Variants in LINGO3 observed in about 807,000 individuals in gnomAD.
LINGO3 encodes the protein leucine rich repeat and Ig domain containing 3.
For synonymous variants in LINGO3, 427 were observed against 444.2 expected (o/e 0.96, Z 0.49); for missense variants, 750 against 867.7 (o/e 0.86, Z 1.70).
At chr19:2,296,046 C>T (rs1339090790), upstream of LINGO3, among the ~76,000 whole-genome samples, 3 of 152,148 alleles carry the variant, frequency 2.0e-5, no homozygotes, top group African/African-American at 7.2e-5. Context: ...ATCCTTAATC[C>T]CAACCTGGGC....
At chr19:2,303,465 C>T in the LINGO3 span, among the ~76,000 whole-genome samples, 4 of 148,366 alleles carry the variant, frequency 2.7e-5, no homozygotes, top group Admixed American at 2.0e-4. Flanking sequence ...TACAGCTAAG[C>T]GAGGGGCGAG....
At chr19:2,301,722 T>A in the LINGO3 span, among the ~76,000 whole-genome samples, 1 of 151,920 alleles carries the variant, frequency 6.6e-6, no homozygotes, top group Non-Finnish European at 1.5e-5. Flanking sequence ...GTTCAAGAGA[T>A]GGAGACCATC....
At position 2,290,653 on chromosome 19, in the gene LINGO3, C is replaced by T. The variant is rs761247783; in HGVS notation, c.1124G>A (p.Arg375Gln). Residue 375 changes from arginine to glutamine, a missense_variant, in exon 1 of 1, where the codon CGG becomes CAG. Arg to Gln is a conservative substitution (Grantham distance 43). Transcript: ENST00000585527. This position sits in a 1 kb window ranked among gnomAD's most constrained non-coding sequence, Gnocchi z 6.0. ...GGCCGGGGTGGCGCAGGCCGGCAGC[C>T]GCCCGTCGAAGTTGAGGGTCTTGCG... 7.5e-6 allele frequency: 12 copies of T among 1,603,648 alleles called. No homozygotes were observed. Among genetic ancestry groups the T allele is most frequent in the Admixed American group, 1.7e-5 (1 of 59,420 alleles).
chr19:2,306,341 C>T, the LINGO3 span, among the ~76,000 whole-genome samples: 6 of 152,316 alleles, frequency 3.9e-5, no homozygotes, highest in African/African-American at 1.4e-4. Flanking sequence ...CCGAGATTGA[C>T]ATGTGGTGGT....
the LINGO3 span, among the ~76,000 whole-genome samples, chr19:2,308,056 GC>G: frequency 2.0e-5 from 3 of 150,450 alleles, no homozygotes; most frequent in African/African-American, 7.3e-5. Context: ...CCCACGCCGG[GC>G]CCCGGCACGG....
At chr19:2,297,668 G>A in the LINGO3 span, among the ~76,000 whole-genome samples, 7 of 144,074 alleles carry the variant, frequency 4.9e-5, no homozygotes, top group South Asian at 6.9e-4. Flanking sequence ...GCAATGGCAC[G>A]ATCTCAACTT....
the LINGO3 span, among the ~76,000 whole-genome samples, chr19:2,300,716 C>T: frequency 6.6e-6 from 1 of 152,292 alleles, no homozygotes; most frequent in East Asian, 1.9e-4. Flanking sequence ...TGCCAGGCCT[C>T]CGTCCCCCAC....
At chr19:2,294,445 C>T (rs549355477), upstream of LINGO3, among the ~76,000 whole-genome samples, 1 of 152,280 alleles carries the variant, frequency 6.6e-6, no homozygotes, top group African/African-American at 2.4e-5. This position sits in a 1 kb window ranked among gnomAD's most constrained non-coding sequence, Gnocchi z 4.3. Flanking sequence ...GTTTTAAACC[C>T]CCCGGGGTTT....
In LINGO3 at chr19:2,291,660, G is replaced by A. The variant is rs1034629773; in HGVS notation, c.117C>T (p.Ala39=). 36 of 1,395,430 alleles carry A rather than the reference G, an allele frequency of 2.6e-5. 1 individual carries two copies. In the African/African-American group the frequency reaches 5.1e-4, roughly 20 times the overall value. The allele number at this position is 1,395,430 out of a possible 1,614,324, so 86.4% of individuals were successfully genotyped here. ...CGGCGGTCAGGCGGCGGCGCGTGCA[G>A]GCCACCGCGCGGGTCTGCACGGTGC... is the stretch of plus-strand genomic sequence containing the variant. Residue 39 remains alanine (A), a synonymous_variant, in exon 1 of 1, where the codon GCC becomes GCT. Transcript: ENST00000585527.
At chr19:2,304,735 T>TG in the LINGO3 span, among the ~76,000 whole-genome samples, 5 of 146,594 alleles carry the variant, frequency 3.4e-5, no homozygotes, top group African/African-American at 1.0e-4. Context: ...TTTTTTTTTT[T>TG]GAGACAGAGT....
chr19:2,297,858 G>C, the LINGO3 span, among the ~76,000 whole-genome samples: 2 of 151,836 alleles, frequency 1.3e-5, no homozygotes, highest in Non-Finnish European at 2.9e-5. Flanking sequence ...ACCCGCCTCG[G>C]CCTCCCAAAG....
exon 1 of LINGO3, chr19:2,289,907 C>T: frequency 9.0e-7 from 1 of 1,106,770 alleles, no homozygotes; most frequent in Non-Finnish European, 1.3e-6. Context: ...CGCCGTGCAG[C>T]CGTCCCCTTC....
At chr19:2,293,764 T>C (rs1320381979), upstream of LINGO3, among the ~76,000 whole-genome samples, 1 of 150,406 alleles carries the variant, frequency 6.6e-6, no homozygotes, top group African/African-American at 2.4e-5. Flanking sequence ...TTCCCGCAAA[T>C]GTTCAAGGCC....
At chr19:2,307,538 G>C in the LINGO3 span, among the ~76,000 whole-genome samples, 1 of 152,236 alleles carries the variant, frequency 6.6e-6, no homozygotes, top group African/African-American at 2.4e-5. Context: ...AGAGCAGGGG[G>C]ACTCAGCCCT....
chr19:2,293,931 T>C (rs1467576085), upstream of LINGO3, among the ~76,000 whole-genome samples: 1 of 151,954 alleles, frequency 6.6e-6, no homozygotes, highest in African/African-American at 2.4e-5. Context: ...CGCGCATCTA[T>C]AGTCCTAACT....
rs2025513677 is a variant in LINGO3, at chr19:2,290,965, TG to T, written c.811del (p.His271ThrfsTer71). The stretch of plus-strand genomic sequence containing the variant: ...GTGCGACAGATTGAGGCAGGTGAGG[TG>T]CGCCTGGTGCCGCAGCGCGGCGGCC... On this transcript the variant is annotated frameshift_variant, in exon 1 of 1. Transcript: ENST00000585527. LOFTEE classifies it low-confidence loss of function (END_TRUNC). The surrounding 1 kb of genome is among the most constrained non-coding windows in gnomAD (Gnocchi z 6.0). The T allele has an allele frequency of 6.2e-7, 1 of 1,611,522 alleles. No homozygotes were observed. Among genetic ancestry groups the T allele is most frequent in the African/African-American group, 1.3e-5 (1 of 74,836 alleles).
the LINGO3 span, among the ~76,000 whole-genome samples, chr19:2,303,665 G>A: frequency 2.6e-5 from 4 of 152,328 alleles, no homozygotes; most frequent in Middle Eastern, 3.4e-3. Context: ...CCAGCTCTGC[G>A]TGGTCCGACC....
the LINGO3 span, among the ~76,000 whole-genome samples, chr19:2,303,444 G>A: frequency 2.0e-5 from 3 of 152,152 alleles, no homozygotes; most frequent in Non-Finnish European, 4.4e-5. Context: ...GGGGAGCCGG[G>A]GTCAGCAGGG....
In LINGO3 at chr19:2,290,654, G is replaced by T. The variant is rs764763411; in HGVS notation, c.1123C>A (p.Arg375=). ...GCCGGGGTGGCGCAGGCCGGCAGCC[G>T]CCCGTCGAAGTTGAGGGTCTTGCGA... The change falls in exon 1 of 1, where the codon CGG becomes AGG. Residue 375 remains arginine, a synonymous_variant. Transcript: ENST00000585527. This position sits in a 1 kb window ranked among gnomAD's most constrained non-coding sequence, Gnocchi z 6.0. 6 of 1,603,732 alleles carry T rather than the reference G, an allele frequency of 3.7e-6. No individual in the cohort carries two copies. The East Asian group carries it at 1.1e-4, about 30-fold the overall frequency.
Sources: allele counts gnomAD v4.1 joint callset (sites outside exome capture counted in the v4.1 genomes callset), GRCh38; gene constraint gnomAD v4.1.1; non-coding constraint Gnocchi (gnomAD v3.1); transcripts MANE v1.5; gene names NCBI Gene and HGNC (gene_info 2026-07-23, HGNC 2026-07-21).